The following CADPS2 variants were observed in gnomAD, a reference collection of about 807,000 sequenced individuals.
The protein encoded by CADPS2 is calcium dependent secretion activator 2.
Under a neutral mutation model 172.5 loss-of-function variants are expected in CADPS2, and 93 were observed. The ratio of observed to expected loss-of-function variants is 0.54; its 90% confidence interval spans 0.46 to 0.64. CADPS2 has a LOEUF of 0.64. Among genes scored for constraint, CADPS2 ranks in the 30% least tolerant of loss-of-function variants. The pLI, the probability that CADPS2 is intolerant of heterozygous loss-of-function variation, is 0.00. For missense variants in CADPS2, 1,420 were observed against 1,565.9 expected (o/e 0.91, Z 1.57); for synonymous variants, 546 against 555.2 (o/e 0.98, Z 0.23).
At chr7:122,325,302 GAT>G (rs1300842435) in intron 29 of CADPS2, among the ~76,000 whole-genome samples, 173 bp downstream of exon 29, 1 of 151,938 alleles carries the variant, frequency 6.6e-6, no homozygotes, top group Admixed American at 6.6e-5. Context: ...GTGCAAAAAA[GAT>G]AAATTTATAT....
At chr7:122,879,288 A>T (rs541001712) in intron 1 of CADPS2, among the ~76,000 whole-genome samples, 2 of 148,972 alleles carry the variant, frequency 1.3e-5, no homozygotes, top group South Asian at 2.1e-4. Flanking sequence ...AGGTAATCCT[A>T]GCACTTTGGG....
chr7:122,764,912 A>T (rs1244470395), intron 1 of CADPS2, among the ~76,000 whole-genome samples: 2 of 152,064 alleles, frequency 1.3e-5, no homozygotes, highest in Non-Finnish European at 2.9e-5. Flanking sequence ...TATTACACTT[A>T]AACCCACACT....
chr7:122,321,480 T>A (rs914753890), intron 29 of CADPS2, among the ~76,000 whole-genome samples: 1 of 152,072 alleles, frequency 6.6e-6, no homozygotes, highest in African/African-American at 2.4e-5. Context: ...GTTTACTTTT[T>A]TCTTTTCTTT....
intron 4 of CADPS2, among the ~76,000 whole-genome samples, chr7:122,622,569 G>T (rs1018505741): frequency 9.2e-5 from 14 of 152,124 alleles, no homozygotes; most frequent in Middle Eastern, 3.2e-3. Context: ...ATATTCCCCA[G>T]AACAGCAAAT....
rs561403037 is a variant in CADPS2 at position 122,535,392 on chromosome 7, G to C, written c.1475+19158C>G. Among the ~76,000 whole-genome samples, 19 of 152,110 alleles carry C rather than the reference G, an allele frequency of 1.2e-4. No individual in the cohort carries two copies. In the East Asian group the frequency reaches 3.7e-3, roughly 29 times the overall value. On this transcript the variant is annotated intron_variant, in intron 8 of 29. Transcript: ENST00000449022. The stretch of plus-strand genomic sequence containing the variant: ...AATAAGAATATTATTTAATGTGATA[G>C]ATTCTTCAAATGTATTTAATCTACT...
chr7:122,712,128 T>C (rs2088848157), intron 2 of CADPS2, among the ~76,000 whole-genome samples: 2 of 152,280 alleles, frequency 1.3e-5, no homozygotes, highest in African/African-American at 4.8e-5. Flanking sequence ...TGTGATATTT[T>C]TCTTCTAGTG....
At chr7:122,555,390 A>C (rs754327346) in intron 7 of CADPS2, among the ~76,000 whole-genome samples, 2 of 152,136 alleles carry the variant, frequency 1.3e-5, no homozygotes, top group Admixed American at 6.6e-5. Flanking sequence ...CAGATAACAC[A>C]AGGTATTCTC....
chr7:122,433,531 G>A (rs2050246252), intron 17 of CADPS2, among the ~76,000 whole-genome samples: 1 of 151,458 alleles, frequency 6.6e-6, no homozygotes, highest in African/African-American at 2.4e-5. Flanking sequence ...AGCCACCCAA[G>A]TAGCTGGGAT....
At chr7:122,803,869 A>C (rs1440556247) in intron 1 of CADPS2, among the ~76,000 whole-genome samples, 1 of 149,602 alleles carries the variant, frequency 6.7e-6, no homozygotes, top group Non-Finnish European at 1.5e-5. Context: ...TTATATTCAA[A>C]TTTCTCTAGG....
chr7:122,574,829 T>G (rs1450872775), intron 7 of CADPS2, among the ~76,000 whole-genome samples: 7 of 152,010 alleles, frequency 4.6e-5, no homozygotes, highest in African/African-American at 1.7e-4. Context: ...AAACACTGAG[T>G]GAAAGGTGGT....
intron 29 of CADPS2, among the ~76,000 whole-genome samples, chr7:122,324,553 G>A (rs1281341366): frequency 2.6e-5 from 4 of 152,072 alleles, no homozygotes; most frequent in Non-Finnish European, 4.4e-5. Context: ...CAAGTTCCCA[G>A]GTGATGATGA....
chr7:122,863,666 A>T (rs1227688905), intron 1 of CADPS2, among the ~76,000 whole-genome samples: 3 of 152,268 alleles, frequency 2.0e-5, no homozygotes, highest in African/African-American at 7.2e-5. Context: ...GTAGCTGTGC[A>T]GACAAATGTA....
intron 25 of CADPS2, among the ~76,000 whole-genome samples, chr7:122,366,473 C>T (rs866979911): frequency 1.3e-4 from 20 of 149,724 alleles, no homozygotes; most frequent in Non-Finnish European, 2.1e-4. Flanking sequence ...GCCATGGTGG[C>T]GGGCGCCTGA....
chr7:122,556,989 T>C (rs2065111172), intron 7 of CADPS2, among the ~76,000 whole-genome samples: 1 of 152,102 alleles, frequency 6.6e-6, no homozygotes, highest in Non-Finnish European at 1.5e-5. Context: ...CATATGTATA[T>C]CTAATTCCCT....
intron 3 of CADPS2, among the ~76,000 whole-genome samples, chr7:122,651,775 G>A (rs62482255): frequency 0.1 from 15,428 of 151,842 alleles, 1,083 homozygotes; most frequent in South Asian, 0.29. Context: ...AAAAGAGCAG[G>A]GTCTAGATAG....
chr7:122,628,252 T>C (rs965853419), intron 4 of CADPS2, among the ~76,000 whole-genome samples: 5 of 152,166 alleles, frequency 3.3e-5, no homozygotes, highest in African/African-American at 1.2e-4. Context: ...TGTATTAATA[T>C]TTACAAATAC....
At chr7:122,713,179 A>G (rs2089034600) in intron 2 of CADPS2, among the ~76,000 whole-genome samples, 1 of 152,144 alleles carries the variant, frequency 6.6e-6, no homozygotes, top group African/African-American at 2.4e-5. Flanking sequence ...AAATTTTTAT[A>G]TTTAAAAACA....
intron 9 of CADPS2, among the ~76,000 whole-genome samples, chr7:122,496,153 A>C (rs1418053441): frequency 6.6e-6 from 1 of 151,710 alleles, no homozygotes; most frequent in Non-Finnish European, 1.5e-5. Context: ...TGGGATATTT[A>C]TCTCTTTATT....
intron 1 of CADPS2, among the ~76,000 whole-genome samples, chr7:122,857,862 A>T (rs764434539): frequency 6.6e-6 from 1 of 152,002 alleles, no homozygotes; most frequent in Non-Finnish European, 1.5e-5. Context: ...TCTTTCAGAT[A>T]TGTCTGGAGC....
Sources: allele counts gnomAD v4.1 joint callset (sites outside exome capture counted in the v4.1 genomes callset), GRCh38; gene constraint gnomAD v4.1.1; transcripts MANE v1.5; gene names NCBI Gene and HGNC (gene_info 2026-07-23, HGNC 2026-07-21).